The following DHX36 variants were observed in gnomAD, a reference collection of about 807,000 sequenced individuals.
The protein encoded by DHX36 is DEAH-box helicase 36, also known as ATP-dependent DNA/RNA helicase DHX36.
A neutral mutation model predicts 139.0 loss-of-function variants in DHX36; 50 were observed. That is an observed-to-expected ratio of 0.36 (90% CI 0.29 to 0.46). The LOEUF is 0.46. DHX36 is among the 20% of genes least tolerant of loss of function. The probability of loss-of-function intolerance (pLI) is 1.00; values close to 1 mark genes in which losing one functional copy is unlikely to be tolerated. For missense variants in DHX36, 1,024 were observed against 1,211.3 expected, an observed-to-expected ratio of 0.85 and a Z score of 2.29; for synonymous variants, 425 against 401.9, an observed-to-expected ratio of 1.06 and a Z score of -0.69.
At chr3:154,293,032 A>G (rs1711884845) in intron 14 of DHX36, among the ~76,000 whole-genome samples, 1 of 152,152 alleles carries the variant, frequency 6.6e-6, no homozygotes, top group South Asian at 2.1e-4. Flanking sequence ...TGGGAGCCCC[A>G]ACAGCATGGT....
At chr3:154,281,610 T>A (rs912294797) in intron 20 of DHX36, among the ~76,000 whole-genome samples, 2 of 152,094 alleles carry the variant, frequency 1.3e-5, no homozygotes, top group Admixed American at 6.6e-5. Flanking sequence ...AATGACCAGA[T>A]GAATCTTGTA....
intron 2 of DHX36, among the ~76,000 whole-genome samples, chr3:154,315,643 A>G (rs1488547754): frequency 6.6e-6 from 1 of 152,088 alleles, no homozygotes; most frequent in African/African-American, 2.4e-5. Flanking sequence ...AGCTACAAAT[A>G]GGATGCTACA....
At chr3:154,295,616 T>G (rs1048023235) in intron 12 of DHX36, among the ~76,000 whole-genome samples, 6 of 152,210 alleles carry the variant, frequency 3.9e-5, no homozygotes, top group African/African-American at 1.4e-4. Context: ...CAAGCTAACA[T>G]TTTGTTCTGT....
chr3:154,321,651 T>A (rs1713189685), intron 1 of DHX36, among the ~76,000 whole-genome samples: 1 of 152,216 alleles, frequency 6.6e-6, no homozygotes, highest in East Asian at 1.9e-4. Flanking sequence ...TGTTCAAGAA[T>A]GCATCATTAG....
chr3:154,322,980 C>A (rs946787681), intron 1 of DHX36, among the ~76,000 whole-genome samples: 20 of 152,074 alleles, frequency 1.3e-4, no homozygotes, highest in Non-Finnish European at 2.1e-4. Flanking sequence ...ATAAGGCCCC[C>A]AAAACACCTG....
chr3:154,310,142 A>T (rs1712674819), intron 4 of DHX36, among the ~76,000 whole-genome samples: 1 of 152,234 alleles, frequency 6.6e-6, no homozygotes, highest in Non-Finnish European at 1.5e-5. Flanking sequence ...GTACAGAAGC[A>T]AACTCCTGGC....
chr3:154,303,046 T>C (rs1486867718), intron 9 of DHX36, among the ~76,000 whole-genome samples: 4 of 152,084 alleles, frequency 2.6e-5, no homozygotes, highest in African/African-American at 9.7e-5. Flanking sequence ...CACTGCACTC[T>C]AGGCTAGGCG....
At chr3:154,320,281 T>C (rs894951819) in intron 1 of DHX36, among the ~76,000 whole-genome samples, 2 of 152,146 alleles carry the variant, frequency 1.3e-5, no homozygotes, top group African/African-American at 4.8e-5. Flanking sequence ...TTTTCCGTAT[T>C]TGACAGCCTG....
chr3:154,323,609 G>C (rs1407169407), intron 1 of DHX36, among the ~76,000 whole-genome samples: 1 of 152,084 alleles, frequency 6.6e-6, no homozygotes, highest in East Asian at 1.9e-4. Context: ...TTTTCAAAGA[G>C]AATCTGCTCA....
intron 16 of DHX36, among the ~76,000 whole-genome samples, chr3:154,289,449 CAATATAACAGAACT>C (rs1270580964): frequency 6.6e-6 from 1 of 152,154 alleles, no homozygotes; most frequent in Admixed American, 6.5e-5. Context: ...ACAACCTGCC[CAATATAACAGAACT>C]AGCTTTTCCG....
chr3:154,300,430 G>A (rs1712222290), intron 11 of DHX36, among the ~76,000 whole-genome samples, 164 bp downstream of exon 11: 3 of 152,184 alleles, frequency 2.0e-5, no homozygotes, highest in African/African-American at 7.2e-5. Flanking sequence ...TCTTCAAACA[G>A]GTCAAATGCC....
intron 17 of DHX36, among the ~76,000 whole-genome samples, chr3:154,287,605 C>T (rs1043535745): frequency 6.6e-6 from 1 of 151,594 alleles, no homozygotes; most frequent in Admixed American, 6.6e-5. Flanking sequence ...TGCAGTGAGC[C>T]GAGATCATGC....
chr3:154,277,802 G>GGGCCGGGCGCGGTGGCTCACGCCTGT, intron 22 of DHX36, 84 bp from the exon 23 acceptor site: 1 of 1,282,696 alleles, frequency 7.8e-7, no homozygotes, highest in Non-Finnish European at 1.0e-6. Context: ...AAAACTGATA[G>GGGCCGGGCGCGGTGGCTCACGCCTGT]AAGAGCTTGG....
At chr3:154,294,111 G>A (rs185903324) in intron 13 of DHX36, among the ~76,000 whole-genome samples, 4 of 152,228 alleles carry the variant, frequency 2.6e-5, no homozygotes, top group African/African-American at 9.6e-5. Flanking sequence ...AAAGCTGGAG[G>A]TTATAAAGTA....
At chr3:154,313,968 GACA>G (rs1712865103) in intron 3 of DHX36, among the ~76,000 whole-genome samples, 1 of 152,106 alleles carries the variant, frequency 6.6e-6, no homozygotes, top group East Asian at 1.9e-4. Context: ...AAGCATTTAT[GACA>G]ACATATGGGA....
chr3:154,292,561 G>A lies in DHX36; in HGVS notation c.1804C>T (p.Arg602Ter), dbSNP rs1223273053. 3.1e-6 allele frequency: 5 copies of A among 1,613,854 alleles called. No homozygotes were observed. The highest frequency in any genetic ancestry group is 3.4e-6 in the Non-Finnish European group (4 of 1,179,968). The change falls in exon 15 of 25, where the codon CGA becomes TGA. Residue 602 changes from arginine to a stop codon, truncating the protein, a stop_gained. Coordinates refer to ENST00000496811, the MANE Select transcript of DHX36 (RefSeq NM_020865.3). LOFTEE classifies it high-confidence loss of function. ...SKANAKQRKGRAGRVQPGHCY... is the reference protein window; with the variant it reads ...SKANAKQRKG ...GAGTTCCCACCTTACCTTCCAGCTCGACCTTTTCTCTGTTTGGCATTAGCT... is the reference window on the plus strand; with the variant it reads ...GAGTTCCCACCTTACCTTCCAGCTCAACCTTTTCTCTGTTTGGCATTAGCT...
At chr3:154,305,043 T>C in intron 7 of DHX36, 51 bp downstream of exon 7, 1 of 1,591,836 alleles carries the variant, frequency 6.3e-7, no homozygotes, top group Non-Finnish European at 8.5e-7. Flanking sequence ...TCCAATTTAA[T>C]AATTACATCT....
chr3:154,278,241 C>G (rs1719217836), intron 22 of DHX36, among the ~76,000 whole-genome samples: 1 of 151,676 alleles, frequency 6.6e-6, no homozygotes, highest in Non-Finnish European at 1.5e-5. Flanking sequence ...GTTAAGAATT[C>G]TGTTTAAATT....
At chr3:154,301,627 G>A (rs746867772) in intron 9 of DHX36, among the ~76,000 whole-genome samples, 8 of 152,050 alleles carry the variant, frequency 5.3e-5, no homozygotes, top group East Asian at 3.9e-4. Context: ...ACAGACCCAC[G>A]CTAGAGAACT....
Sources: allele counts gnomAD v4.1 joint callset (sites outside exome capture counted in the v4.1 genomes callset), GRCh38; gene constraint gnomAD v4.1.1; transcripts MANE v1.5; gene names NCBI Gene and HGNC (gene_info 2026-07-23, HGNC 2026-07-21).